NVL: variants seen among roughly 807,000 people sequenced by gnomAD.
NVL encodes nuclear VCP like.
Under a neutral mutation model 110.2 loss-of-function variants are expected in NVL, and 84 were observed. The observed-to-expected ratio is 0.76, with a 90% CI of 0.64 to 0.91. The LOEUF is 0.91. Among genes scored for constraint, NVL ranks in the 40% least tolerant of loss-of-function variants. The pLI is 0.00. For synonymous variants in NVL, 354 were observed against 361.1 expected, an observed-to-expected ratio of 0.98 and a Z score of 0.22; for missense variants, 882 against 1,035.9, an observed-to-expected ratio of 0.85 and a Z score of 2.04.
Position 224,231,245 on chromosome 1 carries a change from C to A in NVL, c.2507G>T (p.Arg836Ile). 1 of 1,612,238 alleles carries A rather than the reference C, an allele frequency of 6.2e-7. No individual in the cohort carries two copies. The highest frequency in any genetic ancestry group is 1.1e-5 in the South Asian group (1 of 91,052). The stretch of plus-strand genomic sequence containing the variant: ...GCTTACCTTTTTTGATATAGATGAT[C>A]TTACTTTCTTGAAAGCTTCTTCAAA... ...KHFEEAFKKV[R>I]SSISKKDQIM... Residue 836 changes from arginine (R) to isoleucine (I), a missense_variant, in exon 22 of 23, where the codon AGA (arginine) becomes ATA (isoleucine). Transcript: ENST00000281701.
chr1:224,262,609 A>C (rs977822883), intron 18 of NVL, among the ~76,000 whole-genome samples: 1 of 152,230 alleles, frequency 6.6e-6, no homozygotes, highest in African/African-American at 2.4e-5. Context: ...TAAAGCAACC[A>C]GTCCAGATTA....
intron 18 of NVL, among the ~76,000 whole-genome samples, chr1:224,254,507 G>A (rs746459378): frequency 2.1e-5 from 3 of 141,744 alleles, no homozygotes; most frequent in South Asian, 2.2e-4. Context: ...ATTCTCCTGC[G>A]TCAGCCTCCC....
chr1:224,275,220 T>C, intron 17 of NVL, 119 bp downstream of exon 17: 7 of 1,112,024 alleles, frequency 6.3e-6, no homozygotes, highest in Non-Finnish European at 9.1e-6. Flanking sequence ...TTACTAAGTG[T>C]CTTCATTAAG....
intron 2 of NVL, among the ~76,000 whole-genome samples, chr1:224,320,934 T>C (rs1670582401): frequency 6.6e-6 from 1 of 152,162 alleles, no homozygotes; most frequent in Admixed American, 6.6e-5. Flanking sequence ...AGGCAAATAT[T>C]GTACTAAATC....
chr1:224,253,213 G>A (rs149793020), intron 18 of NVL, among the ~76,000 whole-genome samples: 1,710 of 151,414 alleles, frequency 0.011, 33 homozygotes, highest in African/African-American at 0.037. Context: ...CCCCACGCCC[G>A]GCTAAGTTTT....
At chr1:224,323,784 C>T (rs543338466) in intron 2 of NVL, among the ~76,000 whole-genome samples, 2 of 152,354 alleles carry the variant, frequency 1.3e-5, no homozygotes, top group Admixed American at 6.5e-5. Flanking sequence ...CACCACCCTA[C>T]GGAGCCCACA....
chr1:224,281,092 C>G, intron 16 of NVL, 31 bp downstream of exon 16: 1 of 1,579,178 alleles, frequency 6.3e-7, no homozygotes. Context: ...TTTTTCTAAT[C>G]TAAAATAATG....
intron 16 of NVL, among the ~76,000 whole-genome samples, chr1:224,278,476 C>T (rs756196508): frequency 9.2e-5 from 14 of 152,082 alleles, no homozygotes; most frequent in South Asian, 6.2e-4. Context: ...AGTGATCTGC[C>T]CACCTTGGCC....
rs182183586 is a variant in NVL at position 224,306,562 on chromosome 1, G to A, written c.616-1396C>T. Among the ~76,000 whole-genome samples, 98 of 152,086 alleles carry A rather than the reference G, an allele frequency of 6.4e-4. 1 individual carries two copies. In the East Asian group the frequency reaches 0.013, roughly 20 times the overall value. On this transcript the variant is annotated intron_variant, in intron 6 of 22. Transcript: ENST00000281701. ...AATACAGGTGTGAGCCACTGCACCC[G>A]GCCAAAAAAAATTGTTTTTAAGTAT...
At chr1:224,261,064 C>T (rs1334028625) in intron 18 of NVL, among the ~76,000 whole-genome samples, 1 of 151,800 alleles carries the variant, frequency 6.6e-6, no homozygotes, top group Non-Finnish European at 1.5e-5. Flanking sequence ...TTAGTAGAGA[C>T]GGGGTTTCAC....
At chr1:224,235,616 T>C (rs974757189) in intron 20 of NVL, among the ~76,000 whole-genome samples, 2 of 151,642 alleles carry the variant, frequency 1.3e-5, no homozygotes, top group African/African-American at 4.8e-5. Flanking sequence ...GAATCACTGC[T>C]ACATTGGAAG....
chr1:224,298,603 G>T (rs3767722), intron 10 of NVL: 1 of 214,864 alleles, frequency 4.7e-6, no homozygotes, highest in Non-Finnish European at 9.9e-6. Flanking sequence ...TGGCATAATA[G>T]GTGGTAATAA....
intron 4 of NVL, among the ~76,000 whole-genome samples, chr1:224,314,186 TA>T (rs1669838033): frequency 6.6e-6 from 1 of 152,170 alleles, no homozygotes; most frequent in South Asian, 2.1e-4. Context: ...CTCAAAAATA[TA>T]AATCTTTGAC....
rs182194665 is a variant in NVL, at chr1:224,289,773, C to G, written c.1326-40G>C. ...GGGGAAAAAATTTCTGATTCCTGAT[C>G]TAATAGTAAAAACAAGTCACCAACT... On this transcript the variant is annotated intron_variant, in intron 12 of 22. Coordinates refer to ENST00000281701, the MANE Select transcript of NVL (RefSeq NM_002533.4). 5.8e-5 allele frequency: 91 copies of G among 1,572,840 alleles called. No homozygotes were observed. In the African/African-American group the frequency reaches 9.4e-4, roughly 16 times the overall value.
chr1:224,236,516 C>A lies in NVL; in HGVS notation c.2356G>T (p.Asp786Tyr). The change falls in exon 20 of 23, where the codon GAT becomes TAT. Residue 786 changes from aspartate (D) to tyrosine (Y), a missense_variant. Asp to Tyr is a radical substitution (Grantham distance 160). Transcript: ENST00000281701. The part of the protein sequence containing the change: ...LEAIAGDLRC[D>Y]CYTGADLSAL... ...GATTTAAACACTTACGTATAGCAAT[C>A]ACAGCGAAGGTCACCAGCAATTGCT... 1 of 1,613,238 alleles carries A rather than the reference C, an allele frequency of 6.2e-7. No homozygotes were observed. Among genetic ancestry groups the A allele is most frequent in the South Asian group, 1.1e-5 (1 of 91,056 alleles).
intron 20 of NVL, 39 bp from the exon 21 acceptor site, chr1:224,233,328 C>A: frequency 6.7e-7 from 1 of 1,487,950 alleles, no homozygotes; most frequent in South Asian, 1.3e-5. Flanking sequence ...TTCTTAGATA[C>A]TGCAAAATCC....
intron 18 of NVL, among the ~76,000 whole-genome samples, chr1:224,251,736 T>C (rs1197443009): frequency 6.6e-6 from 1 of 152,038 alleles, no homozygotes; most frequent in African/African-American, 2.4e-5. Context: ...GGATTCCCTA[T>C]CTCAGATAAT....
chr1:224,314,628 T>C (rs1669884150), intron 4 of NVL, among the ~76,000 whole-genome samples: 1 of 152,250 alleles, frequency 6.6e-6, no homozygotes, highest in East Asian at 1.9e-4. Flanking sequence ...AAAACTGTGG[T>C]CGAACACTAA....
intron 21 of NVL, chr1:224,232,968 T>C (rs901768592): frequency 6.9e-5 from 26 of 378,800 alleles, no homozygotes; most frequent in African/African-American, 4.8e-4. Flanking sequence ...AATGGATCCA[T>C]TTGCCTATAG....
Sources: gnomAD v4.1 joint callset for allele counts (sites outside exome capture counted in the v4.1 genomes callset) on GRCh38, gnomAD v4.1.1 for gene constraint, MANE v1.5 for transcripts, NCBI Gene and HGNC (gene_info 2026-07-23, HGNC 2026-07-21) for gene names.